The following DOCK3 variants were observed in gnomAD, a reference collection of about 807,000 sequenced individuals.
DOCK3 encodes the protein dedicator of cytokinesis 3, also known as dedicator of cytokinesis protein 3.
DOCK3 carries 60 observed loss-of-function variants against 265.6 expected under a neutral mutation model. That is an observed-to-expected ratio of 0.23 (90% CI 0.18 to 0.28). The LOEUF is 0.28. DOCK3 is among the 10% of genes least tolerant of loss of function. The probability of loss-of-function intolerance (pLI) is 1.00; values close to 1 mark genes in which losing one functional copy is unlikely to be tolerated. For synonymous variants in DOCK3, 881 were observed against 938.0 expected, an observed-to-expected ratio of 0.94 and a Z score of 1.11; for missense variants, 1,981 against 2,594.3, an observed-to-expected ratio of 0.76 and a Z score of 5.14.
At chr3:51,236,491 T>A (rs1011591747) in intron 20 of DOCK3, 63 bp downstream of exon 20, 136 of 1,425,714 alleles carry the variant, frequency 9.5e-5, no homozygotes, top group Non-Finnish European at 1.3e-4. Flanking sequence ...TCAGAAAATT[T>A]AAGGGAAGCA....
chr3:51,133,491 A>G (rs2084654967), intron 9 of DOCK3, among the ~76,000 whole-genome samples: 1 of 151,538 alleles, frequency 6.6e-6, no homozygotes, highest in African/African-American at 2.4e-5. Flanking sequence ...AAGGACATGA[A>G]CTCATCCTTT....
intron 27 of DOCK3, among the ~76,000 whole-genome samples, chr3:51,290,803 G>T (rs1241795692): frequency 6.6e-6 from 1 of 152,194 alleles, no homozygotes; most frequent in Non-Finnish European, 1.5e-5. Flanking sequence ...ACAGTGGGCT[G>T]GGCACGGTGG....
intron 2 of DOCK3, among the ~76,000 whole-genome samples, chr3:50,833,984 ACT>A (rs1254564342): frequency 6.6e-6 from 1 of 152,112 alleles, no homozygotes; most frequent in Non-Finnish European, 1.5e-5. Context: ...AGTTTTCTTG[ACT>A]CTGTAAAACA....
At chr3:51,043,706 A>C (rs2080636648) in intron 5 of DOCK3, among the ~76,000 whole-genome samples, 3 of 152,116 alleles carry the variant, frequency 2.0e-5, no homozygotes, top group South Asian at 2.1e-4. Flanking sequence ...GATATCTAGT[A>C]TCTATAAGGA....
chr3:50,857,531 A>C (rs2046661826), intron 3 of DOCK3, among the ~76,000 whole-genome samples: 1 of 152,196 alleles, frequency 6.6e-6, no homozygotes, highest in Admixed American at 6.5e-5. Context: ...TTTGCAGTCT[A>C]CCCATCTGAC....
Position 51,357,040 on chromosome 3 carries a change from T to C in DOCK3, c.4582T>C (p.Tyr1528His). ...NQELRSLISQ[Y>H]QHKQVHGNIN... The stretch of plus-strand genomic sequence containing the variant: ...GGAGCTACGCTCCCTGATCAGCCAG[T>C]ATCAACACAAGCAGGTGCATGGCAA... The change falls in exon 44 of 53, where the codon TAT becomes CAT. Residue 1528 changes from tyrosine to histidine, a missense_variant. By Grantham distance (83) the Tyr-to-His change is moderately conservative. Around this residue, in one of 4 missense-constraint regions of DOCK3, gnomAD observed 1,357 missense variants for 1,866.8 expected, o/e 0.73. Coordinates refer to ENST00000266037, the MANE Select transcript of DOCK3 (RefSeq NM_004947.5). 1 of 1,613,408 alleles carries C rather than the reference T, an allele frequency of 6.2e-7. No homozygotes were observed. Among genetic ancestry groups the C allele is most frequent in the Non-Finnish European group, 8.5e-7 (1 of 1,179,890 alleles).
At chr3:51,137,216 A>G (rs77454697) in intron 9 of DOCK3, among the ~76,000 whole-genome samples, 4 of 152,326 alleles carry the variant, frequency 2.6e-5, no homozygotes, top group Admixed American at 2.0e-4. Flanking sequence ...AAATGAATCT[A>G]TGAGGGGATA....
In DOCK3 at chr3:51,381,022, T is replaced by G; in HGVS notation, c.5584-28T>G. ...AGTCAGCCTGTCTGGAGAGAGGGAT[T>G]CTAACATGCCCACCCTTTCCTTCGC... On this transcript the variant is annotated intron_variant, in intron 52 of 52. Transcript: ENST00000266037. This position sits in a 1 kb window ranked among gnomAD's most constrained non-coding sequence, Gnocchi z 5.6. 6.4e-7 allele frequency: 1 copy of G among 1,554,478 alleles called. No homozygotes were observed. The highest frequency in any genetic ancestry group is 1.2e-5 in the South Asian group (1 of 82,566).
At chr3:51,291,363 A>G (rs1359786186) in intron 27 of DOCK3, among the ~76,000 whole-genome samples, 1 of 152,196 alleles carries the variant, frequency 6.6e-6, no homozygotes, top group Non-Finnish European at 1.5e-5. Flanking sequence ...CACCTAAACA[A>G]GTTTATTTTC....
At chr3:51,099,072 A>G (rs2082980831) in intron 9 of DOCK3, among the ~76,000 whole-genome samples, 1 of 152,228 alleles carries the variant, frequency 6.6e-6, no homozygotes. Context: ...TTTCATCAGT[A>G]TATTTTGTTG....
At chr3:51,170,939 C>G (rs2086646784) in intron 12 of DOCK3, among the ~76,000 whole-genome samples, 1 of 123,424 alleles carries the variant, frequency 8.1e-6, no homozygotes, top group Non-Finnish European at 1.6e-5. Context: ...AAGACTCCAT[C>G]TCAAAAAAAA....
At chr3:51,168,727 C>T (rs954702612) in intron 12 of DOCK3, among the ~76,000 whole-genome samples, 6 of 152,150 alleles carry the variant, frequency 3.9e-5, no homozygotes, top group South Asian at 4.1e-4. Context: ...GCAACAAATG[C>T]GAAAATTGAC....
At chr3:50,711,343 G>C (rs2036754867) in intron 1 of DOCK3, among the ~76,000 whole-genome samples, 1 of 150,640 alleles carries the variant, frequency 6.6e-6, no homozygotes, top group African/African-American at 2.4e-5. Context: ...CTCACTGCAA[G>C]CTTTGCCTCC....
At chr3:50,947,856 T>G (rs2076468564) in intron 5 of DOCK3, among the ~76,000 whole-genome samples, 1 of 150,268 alleles carries the variant, frequency 6.7e-6, no homozygotes, top group African/African-American at 2.4e-5. Flanking sequence ...TTTCTGCAGT[T>G]TTTCTTTTTT....
chr3:51,080,019 G>T (rs565185837), intron 7 of DOCK3, among the ~76,000 whole-genome samples: 1 of 152,114 alleles, frequency 6.6e-6, no homozygotes, highest in East Asian at 1.9e-4. Flanking sequence ...ATTCATTTCT[G>T]GTATAAATCA....
chr3:51,035,337 T>G (rs1262185949), intron 5 of DOCK3, among the ~76,000 whole-genome samples: 1 of 152,162 alleles, frequency 6.6e-6, no homozygotes, highest in African/African-American at 2.4e-5. Context: ...GTTCACCAAC[T>G]CTTTCGTCAT....
chr3:50,793,943 A>G (rs2042629924), intron 2 of DOCK3, among the ~76,000 whole-genome samples: 1 of 152,176 alleles, frequency 6.6e-6, no homozygotes, highest in African/African-American at 2.4e-5. Context: ...TTTTGTTCTC[A>G]TTAGTTTCAA....
intron 25 of DOCK3, chr3:51,276,602 C>T: frequency 4.7e-6 from 1 of 211,254 alleles, no homozygotes; most frequent in Non-Finnish European, 8.2e-6. Flanking sequence ...TCAAATTCTT[C>T]ATGTGGAATG....
At chr3:50,841,743 C>CTTTTTCTTT in intron 3 of DOCK3, 28 bp downstream of exon 3, 1 of 483,404 alleles carries the variant, frequency 2.1e-6, no homozygotes. Flanking sequence ...GTTACCTTTT[C>CTTTTTCTTT]TAATGTAGGA....
Sources: gnomAD v4.1 joint callset for allele counts (sites outside exome capture counted in the v4.1 genomes callset) on GRCh38, gnomAD v4.1.1 for gene constraint, gnomAD v4.1.1 regional missense constraint, Gnocchi (gnomAD v3.1) non-coding constraint, MANE v1.5 for transcripts, NCBI Gene and HGNC (gene_info 2026-07-23, HGNC 2026-07-21) for gene names.